The following THSD4 variants were observed in gnomAD, a reference collection of about 807,000 sequenced individuals.
The protein encoded by THSD4 is thrombospondin type 1 domain containing 4.
In THSD4, 69 loss-of-function variants were observed where a neutral mutation model predicts 119.0. That is an observed-to-expected ratio of 0.58 (90% CI 0.48 to 0.71). The LOEUF (loss-of-function observed/expected upper bound fraction) is 0.71, where lower values mean the gene tolerates loss of function less well. Among genes scored for constraint, THSD4 ranks in the 30% least tolerant of loss-of-function variants. The pLI, the probability that THSD4 is intolerant of heterozygous loss-of-function variation, is 0.00. For synonymous variants in THSD4, 524 were observed against 540.4 expected, an observed-to-expected ratio of 0.97 and a Z score of 0.42; for missense variants, 1,393 against 1,391.1, an observed-to-expected ratio of 1.00 and a Z score of -0.02.
intron 7 of THSD4, among the ~76,000 whole-genome samples, chr15:71,464,618 C>T (rs935545906): frequency 2.1e-4 from 32 of 152,156 alleles, no homozygotes; most frequent in African/African-American, 7.5e-4. Context: ...CTTTTACCTG[C>T]AACACACTCA....
At position 71,614,027 on chromosome 15, in the gene THSD4, A is replaced by G. The variant is rs188183393; in HGVS notation, c.1153-46503A>G. On this transcript the variant is annotated intron_variant, in intron 7 of 17. Coordinates refer to ENST00000261862, the MANE Select transcript of THSD4 (RefSeq NM_024817.3). ...TTAAGCATGGAAGCCATCTCCAGAC[A>G]GCCAATTTCTGTGGTTGAGGCAGGA... Among the ~76,000 whole-genome samples the G allele has an allele frequency of 2.9e-3, 437 of 152,336 alleles. 1 individual carries two copies. Among genetic ancestry groups the G allele is most frequent in the Admixed American group, 4.7e-3 (72 of 15,304 alleles).
chr15:71,316,376 C>T lies in THSD4; in HGVS notation c.1015+59661C>T, dbSNP rs532123547. On this transcript the variant is annotated intron_variant, in intron 6 of 17. Coordinates refer to ENST00000261862, the MANE Select transcript of THSD4 (RefSeq NM_024817.3). ...CTCCAACCAAGGGGTTACATTAAGA[C>T]GATACTGGTGGGACATCTTCAGTCA... 4.6e-5 allele frequency among the ~76,000 whole-genome samples: 7 copies of T among 152,216 alleles called. No homozygotes were observed. In the East Asian group the frequency reaches 5.8e-4, roughly 13 times the overall value.
At chr15:71,258,663 A>G (rs1412425671) in intron 6 of THSD4, among the ~76,000 whole-genome samples, 6 of 152,186 alleles carry the variant, frequency 3.9e-5, no homozygotes, top group Non-Finnish European at 8.8e-5. Flanking sequence ...ACAAAGTGTA[A>G]TACTCACTTA....
At chr15:71,236,955 T>A (rs1020564735) in intron 4 of THSD4, among the ~76,000 whole-genome samples, 5 of 152,148 alleles carry the variant, frequency 3.3e-5, no homozygotes, top group African/African-American at 1.2e-4. Context: ...GGTGACTAGG[T>A]CATTATTTTG....
chr15:71,397,298 G>A (rs1372598205), intron 6 of THSD4, among the ~76,000 whole-genome samples: 1 of 152,120 alleles, frequency 6.6e-6, no homozygotes, highest in Non-Finnish European at 1.5e-5. Flanking sequence ...ATTTATTTGT[G>A]TGACTAGTTA....
At chr15:71,649,127 C>A (rs554746041) in intron 7 of THSD4, among the ~76,000 whole-genome samples, 3 of 152,194 alleles carry the variant, frequency 2.0e-5, no homozygotes, top group Non-Finnish European at 4.4e-5. Context: ...CCTTAGGAGT[C>A]CCCCCATCAC....
intron 6 of THSD4, among the ~76,000 whole-genome samples, chr15:71,259,924 G>A (rs185436803): frequency 6.6e-6 from 1 of 152,300 alleles, no homozygotes; most frequent in East Asian, 1.9e-4. Context: ...TTTATGGCTG[G>A]CTGTGGATAA....
At chr15:71,294,495 G>T (rs900803162) in intron 6 of THSD4, among the ~76,000 whole-genome samples, 5 of 152,142 alleles carry the variant, frequency 3.3e-5, no homozygotes, top group Non-Finnish European at 7.4e-5. Flanking sequence ...CCGTTCAGGG[G>T]ATACCAGCGT....
At chr15:71,736,475 C>A (rs1256238522) in intron 10 of THSD4, among the ~76,000 whole-genome samples, 1 of 151,932 alleles carries the variant, frequency 6.6e-6, no homozygotes, top group Non-Finnish European at 1.5e-5. Flanking sequence ...CTCTGTCTCT[C>A]TCACTCTCTG....
chr15:71,630,856 C>T (rs775914863), intron 7 of THSD4, among the ~76,000 whole-genome samples: 1 of 152,190 alleles, frequency 6.6e-6, no homozygotes, highest in Non-Finnish European at 1.5e-5. Flanking sequence ...GATGGCTCCT[C>T]ACGGCAAAGG....
At chr15:71,443,676 C>T (rs75702066) in intron 7 of THSD4, among the ~76,000 whole-genome samples, 1,589 of 105,074 alleles carry the variant, frequency 0.015, 38 homozygotes, top group African/African-American at 0.048. Context: ...TCCCAGATCA[C>T]TCGTTAAAAA....
intron 7 of THSD4, among the ~76,000 whole-genome samples, chr15:71,419,913 A>C (rs2046791630): frequency 9.2e-6 from 1 of 108,390 alleles, no homozygotes; most frequent in South Asian, 2.9e-4. Flanking sequence ...TATCCTTAAG[A>C]ATGATGCATG....
chr15:71,305,554 C>T (rs926928793), intron 6 of THSD4, among the ~76,000 whole-genome samples: 8 of 152,198 alleles, frequency 5.3e-5, no homozygotes, highest in South Asian at 2.1e-4. Flanking sequence ...TGACCTTCAA[C>T]GGTATTCTAC....
intron 7 of THSD4, among the ~76,000 whole-genome samples, chr15:71,583,100 C>T (rs529342860): frequency 4.5e-4 from 68 of 152,222 alleles, no homozygotes; most frequent in Non-Finnish European, 6.6e-4. Context: ...TATCTCTTTA[C>T]TTATCATTGG....
At chr15:71,637,185 C>G (rs1000659881) in intron 7 of THSD4, among the ~76,000 whole-genome samples, 1 of 152,176 alleles carries the variant, frequency 6.6e-6, no homozygotes, top group Non-Finnish European at 1.5e-5. Context: ...CAGTGCCCAG[C>G]CTCAAGTCCA....
chr15:71,503,006 T>G (rs72735330), intron 7 of THSD4, among the ~76,000 whole-genome samples: 19,058 of 152,152 alleles, frequency 0.13, 1,511 homozygotes, highest in Middle Eastern at 0.29. Flanking sequence ...TTAAATACAG[T>G]TCAGCACAGC....
chr15:71,755,076 C>G (rs185641652), intron 14 of THSD4, among the ~76,000 whole-genome samples: 127 of 152,298 alleles, frequency 8.3e-4, no homozygotes, highest in African/African-American at 2.9e-3. Flanking sequence ...GGGAGGGCAC[C>G]CTTCTCATGG....
chr15:71,683,571 T>G (rs1446244471), intron 8 of THSD4, among the ~76,000 whole-genome samples: 4 of 152,216 alleles, frequency 2.6e-5, no homozygotes, highest in African/African-American at 9.6e-5. Flanking sequence ...GGCTGCTATT[T>G]GAGTTAGGTT....
intron 6 of THSD4, among the ~76,000 whole-genome samples, chr15:71,318,975 G>C (rs28726279): frequency 0.15 from 22,282 of 152,162 alleles, 1,687 homozygotes; most frequent in South Asian, 0.29. Context: ...AGTTTCCTCA[G>C]TTTCAAAATG....
Sources: allele counts gnomAD v4.1 joint callset (sites outside exome capture counted in the v4.1 genomes callset), GRCh38; gene constraint gnomAD v4.1.1; transcripts MANE v1.5; gene names NCBI Gene and HGNC (gene_info 2026-07-23, HGNC 2026-07-21).